CTXND1: variants seen among roughly 807,000 people sequenced by gnomAD.
CTXND1 encodes the protein cortexin domain containing 1.
intron 1 of CTXND1, among the ~76,000 whole-genome samples, chr15:80,224,399 T>C (rs1475425812): frequency 6.6e-6 from 1 of 152,270 alleles, no homozygotes; most frequent in Non-Finnish European, 1.5e-5. Flanking sequence ...AGTCTAGTTA[T>C]GGAATTATCT....
At chr15:80,236,732 G>A (rs984888005) in intron 1 of CTXND1, among the ~76,000 whole-genome samples, 2 of 150,124 alleles carry the variant, frequency 1.3e-5, no homozygotes, top group Non-Finnish European at 2.9e-5. Flanking sequence ...GCAGTAAGCC[G>A]ATATTGTGCC....
intron 1 of CTXND1, among the ~76,000 whole-genome samples, chr15:80,216,528 A>C (rs1893255293): frequency 1.3e-5 from 2 of 152,182 alleles, no homozygotes; most frequent in African/African-American, 4.8e-5. Context: ...AAGTAATTTG[A>C]GCCTTGTTTA....
chr15:80,238,829 G>A (rs28679459), intron 1 of CTXND1, among the ~76,000 whole-genome samples: 29,026 of 152,146 alleles, frequency 0.19, 3,017 homozygotes, highest in Middle Eastern at 0.26. Context: ...ACAGTATTCA[G>A]TACAATAACA....
chr15:80,245,175 T>C (rs1893614777), intron 1 of CTXND1, among the ~76,000 whole-genome samples: 2 of 152,164 alleles, frequency 1.3e-5, no homozygotes, highest in Admixed American at 6.5e-5. Context: ...GCAATCCCTC[T>C]ATGGGCAACA....
chr15:80,209,650 C>T (rs773773607), intron 1 of CTXND1, among the ~76,000 whole-genome samples: 4 of 152,130 alleles, frequency 2.6e-5, no homozygotes, highest in African/African-American at 9.7e-5. Flanking sequence ...AGCCATAGGA[C>T]ACGATGAAGA....
At chr15:80,220,370 A>C (rs1046196347) in intron 1 of CTXND1, among the ~76,000 whole-genome samples, 2 of 152,170 alleles carry the variant, frequency 1.3e-5, no homozygotes, top group Admixed American at 1.3e-4. Context: ...TTCCATCTAC[A>C]TGAGTTCATT....
chr15:80,231,943 G>T (rs995121074), intron 1 of CTXND1, among the ~76,000 whole-genome samples: 22 of 152,176 alleles, frequency 1.4e-4, no homozygotes, highest in Admixed American at 1.4e-3. Context: ...GGCTAAGCAG[G>T]TTCACAAAGG....
intron 1 of CTXND1, among the ~76,000 whole-genome samples, chr15:80,229,047 C>G (rs1009421210): frequency 4.6e-5 from 7 of 152,248 alleles, no homozygotes; most frequent in Admixed American, 3.9e-4. Context: ...ATTTCAAAAT[C>G]TGAACACTCC....
chr15:80,202,262 G>T (rs548748288), intron 2 of CTXND1, among the ~76,000 whole-genome samples: 1 of 152,106 alleles, frequency 6.6e-6, no homozygotes, highest in South Asian at 2.1e-4. Context: ...TGGGGCAGGG[G>T]AGGTGACAGA....
intron 1 of CTXND1, among the ~76,000 whole-genome samples, chr15:80,238,740 G>A (rs1200126135): frequency 6.6e-6 from 1 of 152,160 alleles, no homozygotes; most frequent in Non-Finnish European, 1.5e-5. Flanking sequence ...CTCCCAAAGT[G>A]CTGGGATTAC....
At chr15:80,223,321 T>C (rs1298421134) in intron 1 of CTXND1, among the ~76,000 whole-genome samples, 1 of 152,206 alleles carries the variant, frequency 6.6e-6, no homozygotes, top group African/African-American at 2.4e-5. Flanking sequence ...CCTCCCAAAG[T>C]GTTGGGATTA....
chr15:80,227,326 C>T (rs902153166), intron 1 of CTXND1, among the ~76,000 whole-genome samples: 9 of 152,160 alleles, frequency 5.9e-5, no homozygotes, highest in African/African-American at 1.9e-4. Flanking sequence ...CACAGTCTTC[C>T]ACACTTAAAA....
intron 1 of CTXND1, among the ~76,000 whole-genome samples, chr15:80,221,972 C>T (rs1264349828): frequency 5.9e-5 from 9 of 152,084 alleles, no homozygotes; most frequent in Non-Finnish European, 1.2e-4. Flanking sequence ...GAGAATATAG[C>T]TTGTATAGGT....
chr15:80,251,957 C>T (rs1247800928), intron 1 of CTXND1, 50 bp downstream of exon 1: 2 of 151,830 alleles, frequency 1.3e-5, no homozygotes, highest in Non-Finnish European at 2.9e-5. Flanking sequence ...TGTGCTCCAG[C>T]CCCGCAGGCG....
intron 1 of CTXND1, among the ~76,000 whole-genome samples, chr15:80,211,134 C>A (rs1447636987): frequency 6.6e-6 from 1 of 152,202 alleles, no homozygotes; most frequent in Non-Finnish European, 1.5e-5. Context: ...GGAGCCAGGC[C>A]AGGCCCACAC....
At position 80,199,299 on chromosome 15, in the gene CTXND1, G is replaced by A. The variant is rs1486496670; in HGVS notation, c.*2471C>T. On this transcript the variant is annotated 3_prime_UTR_variant, in exon 3 of 3. Coordinates refer to ENST00000560778, the MANE Select transcript of CTXND1 (RefSeq NM_001352888.2). Reference sequence around the variant, plus strand: ...GGTCTGGAGGGGGCTGTGAGTTTGGGTTTCTAACAAGCTCCTCAAGTATTG... The same window carrying A: ...GGTCTGGAGGGGGCTGTGAGTTTGGATTTCTAACAAGCTCCTCAAGTATTG... 5.3e-5 allele frequency: 8 copies of A among 152,194 alleles called. No individual in the cohort carries two copies. Among genetic ancestry groups the A allele is most frequent in the African/African-American group, 1.9e-4 (8 of 41,438 alleles). 9.4% of individuals were successfully genotyped at this position (152,194 alleles called of 1,614,324 possible).
intron 1 of CTXND1, among the ~76,000 whole-genome samples, chr15:80,219,231 C>A (rs994426529): frequency 6.6e-6 from 1 of 152,180 alleles, no homozygotes. Context: ...CAGGCATAAG[C>A]CACTGTGCCC....
intron 1 of CTXND1, among the ~76,000 whole-genome samples, chr15:80,220,146 CATCTATCT>C (rs1555444755): frequency 0.11 from 11,539 of 105,144 alleles, 527 homozygotes; most frequent in Middle Eastern, 0.2. Flanking sequence ...ATCTATCTAT[CATCTATCT>C]ATCTATCTAT....
At chr15:80,244,841 AT>A (rs1390960860) in intron 1 of CTXND1, among the ~76,000 whole-genome samples, 1 of 152,144 alleles carries the variant, frequency 6.6e-6, no homozygotes, top group East Asian at 1.9e-4. Flanking sequence ...ATAAAGCACT[AT>A]CAGGTACACA....
Sources: allele counts gnomAD v4.1 joint callset (sites outside exome capture counted in the v4.1 genomes callset), GRCh38; gene constraint gnomAD v4.1.1; transcripts MANE v1.5; gene names NCBI Gene and HGNC (gene_info 2026-07-23, HGNC 2026-07-21).